The following FKBP1B variants were observed in gnomAD, a reference collection of about 807,000 sequenced individuals.
FKBP1B encodes peptidyl-prolyl cis-trans isomerase FKBP1B.
FKBP1B carries 4 observed loss-of-function variants against 13.5 expected under a neutral mutation model. That is an observed-to-expected ratio of 0.30 (90% CI 0.15 to 0.68). The LOEUF (loss-of-function observed/expected upper bound fraction) is 0.68, where lower values mean the gene tolerates loss of function less well. Ranked by LOEUF, FKBP1B falls within the 30% of genes least tolerant of loss-of-function variation. FKBP1B has a pLI of 0.76. For synonymous variants in FKBP1B, 54 were observed against 53.6 expected (o/e 1.01, Z -0.03); for missense variants, 93 against 136.2 (o/e 0.68, Z 1.58).
At chr2:24,038,434 A>G in the FKBP1B span, 2 of 1,614,174 alleles carry the variant, frequency 1.2e-6, no homozygotes, top group African/African-American at 1.3e-5. Flanking sequence ...AGCCACTGCC[A>G]CTACGTGGGC....
the FKBP1B span, chr2:24,037,725 T>C: frequency 4.3e-6 from 7 of 1,614,032 alleles, no homozygotes; most frequent in African/African-American, 2.7e-5. Context: ...GTGGATACAC[T>C]GAAGAGGATT....
the FKBP1B span, among the ~76,000 whole-genome samples, chr2:24,043,033 C>CAAA: frequency 2.2e-5 from 3 of 135,064 alleles, no homozygotes; most frequent in Non-Finnish European, 3.1e-5. Context: ...AACTCCGTCT[C>CAAA]AAAAAAAAAA....
the FKBP1B span, chr2:24,039,450 C>T: frequency 2.0e-4 from 321 of 1,614,052 alleles, no homozygotes; most frequent in Non-Finnish European, 2.5e-4. Flanking sequence ...CTTGATGCAA[C>T]GCATTCAGTC....
the FKBP1B span, among the ~76,000 whole-genome samples, chr2:24,043,590 G>T: frequency 6.6e-6 from 1 of 152,136 alleles, no homozygotes; most frequent in Non-Finnish European, 1.5e-5. Context: ...GTGTAAACTG[G>T]CAGTACTCAT....
At chr2:24,041,260 ACC>A in the FKBP1B span, among the ~76,000 whole-genome samples, 5 of 150,982 alleles carry the variant, frequency 3.3e-5, no homozygotes, top group African/African-American at 9.8e-5. Flanking sequence ...AATCACTTGA[ACC>A]CAGGAGGTAG....
upstream of FKBP1B, chr2:24,049,592 G>A (rs148876581): frequency 7.2e-4 from 258 of 355,900 alleles, no homozygotes; most frequent in Admixed American, 1.3e-3. Flanking sequence ...GTCAGGCGGG[G>A]CCAGGCTCGC....
chr2:24,053,767 C>T (rs1177479129), intron 1 of FKBP1B, 135 bp from the exon 2 acceptor site: 8 of 831,660 alleles, frequency 9.6e-6, no homozygotes, highest in East Asian at 2.4e-5. Flanking sequence ...GGGCCCAGAG[C>T]CAGAACTAGG....
the FKBP1B span, among the ~76,000 whole-genome samples, chr2:24,042,535 C>CA: frequency 0.32 from 19,565 of 60,784 alleles, 2,984 homozygotes; most frequent in African/African-American, 0.44. Context: ...TACTCCGTCT[C>CA]AAAAAAAAAA....
chr2:24,058,965 T>C (rs1454607074), intron 2 of FKBP1B, among the ~76,000 whole-genome samples: 1 of 152,216 alleles, frequency 6.6e-6, no homozygotes, highest in East Asian at 1.9e-4. Flanking sequence ...TTCTCTAATA[T>C]ATATTTTAGT....
chr2:24,049,707 AG>A, upstream of FKBP1B: 1 of 555,266 alleles, frequency 1.8e-6, no homozygotes, highest in East Asian at 3.5e-5. Context: ...CTCCCCGCGC[AG>A]GTCCCGACTC....
intron 2 of FKBP1B, among the ~76,000 whole-genome samples, chr2:24,057,881 T>C (rs1664209693): frequency 6.6e-6 from 1 of 152,088 alleles, no homozygotes; most frequent in Non-Finnish European, 1.5e-5. Context: ...GGTTAGTGCT[T>C]TCTGTGTTCA....
intron 2 of FKBP1B, among the ~76,000 whole-genome samples, chr2:24,055,194 C>CTTTTTT (rs71395180): frequency 3.0e-5 from 4 of 131,188 alleles, no homozygotes; most frequent in East Asian, 2.2e-4. Flanking sequence ...CATTGTTTTT[C>CTTTTTT]TTTTTTTTTT....
chr2:24,047,463 G>A (rs1663665880), upstream of FKBP1B: 1 of 152,200 alleles, frequency 6.6e-6, no homozygotes, highest in Admixed American at 6.5e-5. Context: ...CTGATAGGTG[G>A]GTGGTCCTCT....
chr2:24,043,063 G>A, the FKBP1B span, among the ~76,000 whole-genome samples: 4 of 152,020 alleles, frequency 2.6e-5, no homozygotes, highest in Non-Finnish European at 4.4e-5. Context: ...ACTGGGCCAG[G>A]TGGCTCATGC....
chr2:24,062,341 G>C (rs936621545), intron 3 of FKBP1B, among the ~76,000 whole-genome samples: 2 of 151,734 alleles, frequency 1.3e-5, no homozygotes, highest in African/African-American at 4.8e-5. Context: ...ATCACGCCTG[G>C]CTAATTTTTG....
At chr2:24,041,841 A>G in the FKBP1B span, among the ~76,000 whole-genome samples, 4 of 146,306 alleles carry the variant, frequency 2.7e-5, no homozygotes, top group African/African-American at 1.0e-4. Context: ...CTGGGCAACA[A>G]AAGTGAAACT....
chr2:24,035,667 C>T, the FKBP1B span, among the ~76,000 whole-genome samples: 45 of 152,120 alleles, frequency 3.0e-4, no homozygotes, highest in South Asian at 5.2e-3. Context: ...GTAATCCCAG[C>T]GCTTTGGGAG....
In FKBP1B at chr2:24,050,775, T is replaced by C. The variant is rs1055766598; in HGVS notation, c.37+889T>C. 2.6e-5 allele frequency among the ~76,000 whole-genome samples: 4 copies of C among 152,210 alleles called. No homozygotes were observed. The highest frequency in any genetic ancestry group is 7.2e-5 in the African/African-American group (3 of 41,446). Reference sequence around the variant, plus strand: ...AACTTCATATCAGATATTATTAATATGAACAGCTCCCCTCCCCAGGAAATT... The same window carrying C: ...AACTTCATATCAGATATTATTAATACGAACAGCTCCCCTCCCCAGGAAATT... On this transcript the variant is annotated intron_variant, in intron 1 of 3. Coordinates refer to ENST00000380986, the MANE Select transcript of FKBP1B (RefSeq NM_004116.5). The surrounding 1 kb of genome is among the most constrained non-coding windows in gnomAD (Gnocchi z 5.8).
chr2:24,056,026 G>A (rs1270102431), intron 2 of FKBP1B, among the ~76,000 whole-genome samples: 1 of 152,160 alleles, frequency 6.6e-6, no homozygotes, highest in African/African-American at 2.4e-5. Context: ...CAGAGTCTAT[G>A]TTGCCCAGGC....
Sources: allele counts gnomAD v4.1 joint callset (sites outside exome capture counted in the v4.1 genomes callset), GRCh38; gene constraint gnomAD v4.1.1; non-coding constraint Gnocchi (gnomAD v3.1); transcripts MANE v1.5; gene names NCBI Gene and HGNC (gene_info 2026-07-23, HGNC 2026-07-21).